Variants in ARHGEF37 observed in about 807,000 individuals in gnomAD.
ARHGEF37 encodes the protein Rho guanine nucleotide exchange factor 37.
ARHGEF37 carries 55 observed loss-of-function variants against 71.1 expected under a neutral mutation model. The observed-to-expected ratio is 0.77, with a 90% CI of 0.62 to 0.97. The LOEUF is 0.97. Among genes scored for constraint, ARHGEF37 ranks in the 50% least tolerant of loss-of-function variants. ARHGEF37 has a pLI of 0.00. For synonymous variants in ARHGEF37, 327 were observed against 350.6 expected, an observed-to-expected ratio of 0.93 and a Z score of 0.75; for missense variants, 765 against 836.8, an observed-to-expected ratio of 0.91 and a Z score of 1.06.
At chr5:149,609,125 A>C (rs1763998241) in intron 3 of ARHGEF37, among the ~76,000 whole-genome samples, 1 of 152,130 alleles carries the variant, frequency 6.6e-6, no homozygotes, top group Admixed American at 6.5e-5. Context: ...CAGAGGTTGC[A>C]GTGAGTAGAG....
chr5:149,607,842 C>T (rs1482185412), intron 3 of ARHGEF37, among the ~76,000 whole-genome samples: 1 of 141,648 alleles, frequency 7.1e-6, no homozygotes, highest in Non-Finnish European at 1.5e-5. Flanking sequence ...TCTCAGCTTA[C>T]TGCAAGCTCC....
intron 1 of ARHGEF37, among the ~76,000 whole-genome samples, chr5:149,575,671 A>ATTTT (rs751297275): frequency 4.7e-5 from 5 of 107,284 alleles, no homozygotes; most frequent in African/African-American, 6.8e-5. Context: ...CCAAATGACT[A>ATTTT]TTTTTTTTTT....
At position 149,619,058 on chromosome 5, in the gene ARHGEF37, G is replaced by T. The variant is rs567476859; in HGVS notation, c.894+16G>T. 10 of 1,601,328 alleles carry T rather than the reference G, an allele frequency of 6.2e-6. No homozygotes were observed. The highest frequency in any genetic ancestry group is 7.7e-6 in the Non-Finnish European group (9 of 1,168,374). The stretch of plus-strand genomic sequence containing the variant: ...CAATCTGCAGGTGAGGACACTGCAG[G>T]GTTCATAAAGGGCGAGTCTGGGCTG... On this transcript the variant is annotated intron_variant, in intron 7 of 12. Transcript: ENST00000333677.
chr5:149,580,126 T>C (rs1308216586), upstream of ARHGEF37, among the ~76,000 whole-genome samples: 1 of 151,988 alleles, frequency 6.6e-6, no homozygotes, highest in Admixed American at 6.6e-5. Flanking sequence ...AGTGGCGTGA[T>C]CTCAGCTCAC....
chr5:149,609,522 AC>A (rs1245326361), intron 3 of ARHGEF37, 25 bp from the exon 4 acceptor site: 7 of 1,612,046 alleles, frequency 4.3e-6, no homozygotes, highest in Non-Finnish European at 5.9e-6. Context: ...GCCCTTGACG[AC>A]CCCTTGTTGC....
At chr5:149,593,366 A>G (rs934902821) in intron 1 of ARHGEF37, among the ~76,000 whole-genome samples, 1 of 152,170 alleles carries the variant, frequency 6.6e-6, no homozygotes, top group Non-Finnish European at 1.5e-5. Flanking sequence ...TTCTGTTTCT[A>G]TCTGTTTCTA....
intron 1 of ARHGEF37, among the ~76,000 whole-genome samples, chr5:149,566,109 G>A (rs1400956705): frequency 6.6e-6 from 1 of 151,558 alleles, no homozygotes; most frequent in Non-Finnish European, 1.5e-5. Flanking sequence ...GCCGCCCAAA[G>A]TGCTGGGATT....
intron 4 of ARHGEF37, among the ~76,000 whole-genome samples, chr5:149,611,892 G>A (rs1291564139): frequency 6.6e-6 from 1 of 152,008 alleles, no homozygotes; most frequent in Admixed American, 6.6e-5. Flanking sequence ...ACCTATATAT[G>A]TAACTGAAAA....
intron 12 of ARHGEF37, among the ~76,000 whole-genome samples, chr5:149,631,140 CTTCCTTCT>C (rs555985865): frequency 4.6e-5 from 5 of 109,682 alleles, no homozygotes; most frequent in South Asian, 6.7e-4. Flanking sequence ...TTCTTTCTTC[CTTCCTTCT>C]TTCCTTCCTT....
chr5:149,628,981 G>A lies in ARHGEF37; in HGVS notation c.1818+15G>A, dbSNP rs1265337579. 1.9e-6 allele frequency: 3 copies of A among 1,605,276 alleles called. No homozygotes were observed. Among genetic ancestry groups the A allele is most frequent in the Non-Finnish European group, 2.6e-6 (3 of 1,175,888 alleles). On this transcript the variant is annotated intron_variant, in intron 12 of 12. Transcript: ENST00000333677. ...CCATGAACCAGGTGAGTATAGGAGAGGGCTGGGGGCTTGCCTCCCATCGGC... is the reference window on the plus strand; with the variant it reads ...CCATGAACCAGGTGAGTATAGGAGAAGGCTGGGGGCTTGCCTCCCATCGGC...
chr5:149,575,885 C>G (rs775608725), intron 1 of ARHGEF37, among the ~76,000 whole-genome samples: 13 of 151,394 alleles, frequency 8.6e-5, no homozygotes, highest in East Asian at 1.9e-4. Context: ...GCCGTCCCCC[C>G]CCTCAAAAAA....
intron 8 of ARHGEF37, among the ~76,000 whole-genome samples, chr5:149,621,497 A>G (rs189287911): frequency 1.3e-5 from 2 of 152,298 alleles, no homozygotes; most frequent in East Asian, 3.9e-4. Flanking sequence ...AAAGTGCTAT[A>G]TAAGATTGAA....
rs778823889 is a variant in ARHGEF37, at chr5:149,621,739, C to T, written c.1012C>T (p.Arg338Trp). The T allele has an allele frequency of 8.1e-6, 13 of 1,609,120 alleles. No homozygotes were observed. The highest frequency in any genetic ancestry group is 6.7e-5 in the East Asian group (3 of 44,808). The change falls in exon 9 of 13, where the codon CGG becomes TGG. Residue 338 changes from arginine to tryptophan, a missense_variant. By Grantham distance (101) the Arg-to-Trp change is moderately radical. Transcript: ENST00000333677. The stretch of plus-strand genomic sequence containing the variant: ...CGCTCATGTCTCCCCACAGAAGCAA[C>T]GGCTAGAAGGCCTGGTGTGGCAGCC... ...HLEAFLKFKQ[R>W]LEGLVWQPLC...
intron 1 of ARHGEF37, among the ~76,000 whole-genome samples, chr5:149,573,686 T>C (rs1252333359): frequency 1.3e-5 from 2 of 152,210 alleles, no homozygotes; most frequent in Non-Finnish European, 2.9e-5. Context: ...TGTTTACTAA[T>C]GTATCCCCAG....
intron 4 of ARHGEF37, among the ~76,000 whole-genome samples, chr5:149,613,920 C>T (rs1199693340): frequency 6.6e-6 from 1 of 151,976 alleles, no homozygotes; most frequent in African/African-American, 2.4e-5. Flanking sequence ...TGTGCCACCA[C>T]ACCTGACTCA....
chr5:149,558,736 T>C (rs1368301400), intron 1 of ARHGEF37, among the ~76,000 whole-genome samples: 2 of 68,248 alleles, frequency 2.9e-5, no homozygotes, highest in Non-Finnish European at 2.8e-5. Context: ...TGTGTGTGTG[T>C]GTATATATAT....
At chr5:149,629,963 T>C (rs1011279057) in intron 12 of ARHGEF37, among the ~76,000 whole-genome samples, 1 of 151,302 alleles carries the variant, frequency 6.6e-6, no homozygotes, top group African/African-American at 2.4e-5. Flanking sequence ...AGGATTCCAT[T>C]ATGTGGATGT....
In ARHGEF37 at chr5:149,633,822, GGCCTGTTAAA is replaced by G. The variant is rs1366532922; in HGVS notation, c.*1634_*1643del. ...GTCAGTCTATAACTTGCCTCCTCTG[GGCCTGTTAAA>G]GCATGAAGACTGCATGACACAAGAG... On this transcript the variant is annotated 3_prime_UTR_variant, in exon 13 of 13. Coordinates refer to ENST00000333677, the MANE Select transcript of ARHGEF37 (RefSeq NM_001001669.3). The G allele has an allele frequency of 3.3e-5, 5 of 152,098 alleles. No homozygotes were observed. Among genetic ancestry groups the G allele is most frequent in the Non-Finnish European group, 5.9e-5 (4 of 68,024 alleles). The allele number at this position is 152,098 out of a possible 1,614,324, so 9.4% of individuals were successfully genotyped here.
chr5:149,594,158 A>G (rs915236536), intron 1 of ARHGEF37, among the ~76,000 whole-genome samples: 5 of 152,222 alleles, frequency 3.3e-5, no homozygotes, highest in Admixed American at 6.5e-5. Context: ...ATGCTGCTAC[A>G]GAGAGGTTTT....
Sources: gnomAD v4.1 joint callset for allele counts (sites outside exome capture counted in the v4.1 genomes callset) on GRCh38, gnomAD v4.1.1 for gene constraint, MANE v1.5 for transcripts, NCBI Gene and HGNC (gene_info 2026-07-23, HGNC 2026-07-21) for gene names.